DNHD1: variants seen among roughly 807,000 people sequenced by gnomAD.
DNHD1 encodes dynein heavy chain domain-containing protein 1.
In DNHD1, 383 loss-of-function variants were observed where a neutral mutation model predicts 458.1. The observed-to-expected ratio is 0.84, with a 90% CI of 0.77 to 0.91. The LOEUF (loss-of-function observed/expected upper bound fraction) is 0.91. DNHD1 is among the 40% of genes least tolerant of loss of function. The probability of loss-of-function intolerance (pLI) is 0.00; values close to 1 mark genes in which losing one functional copy is unlikely to be tolerated. For missense variants in DNHD1, 5,336 were observed against 5,866.1 expected, an observed-to-expected ratio of 0.91 and a Z score of 2.95; for synonymous variants, 2,203 against 2,376.9, an observed-to-expected ratio of 0.93 and a Z score of 2.13.
rs1171731119 is a variant in DNHD1 at position 6,544,229 on chromosome 11, C to T, written c.3737C>T (p.Ala1246Val). The change falls in exon 19 of 43, where the codon GCC (alanine) becomes GTC (valine). Residue 1246 changes from alanine (A) to valine (V), a missense_variant. Around this residue, in one of 4 missense-constraint regions of DNHD1, gnomAD observed 3,932 missense variants for 4,365.6 expected, o/e 0.90. Coordinates refer to ENST00000254579, the MANE Select transcript of DNHD1 (RefSeq NM_144666.3). ...AACAAAATAGCTTTGGAGTGGGTGG[C>T]CATCATGCATGGCCTGGGTAAGTGC... ...DLNKIALEWV[A>V]IMHGLGALLE... 2 of 1,551,502 alleles carry T rather than the reference C, an allele frequency of 1.3e-6. No homozygotes were observed. The highest frequency in any genetic ancestry group is 2.0e-5 in the Admixed American group (1 of 50,994).
At chr11:6,517,388 A>T (rs901043265) in intron 7 of DNHD1, among the ~76,000 whole-genome samples, 4 of 152,228 alleles carry the variant, frequency 2.6e-5, no homozygotes, top group African/African-American at 4.8e-5. Context: ...AGGAAATGAA[A>T]TCAGTATCTC....
At chr11:6,528,439 A>C (rs992254576) in intron 10 of DNHD1, 83 bp from the exon 11 acceptor site, 2 of 1,244,488 alleles carry the variant, frequency 1.6e-6, no homozygotes, top group South Asian at 3.1e-5. Context: ...GTGTGTGTAC[A>C]CACACTGAGG....
In DNHD1 at chr11:6,565,707, T is replaced by G. The variant is rs2134457556; in HGVS notation, c.10769T>G (p.Met3590Arg). The G allele has an allele frequency of 6.5e-7, 1 of 1,547,136 alleles. No homozygotes were observed. The highest frequency in any genetic ancestry group is 2.4e-5 in the East Asian group (1 of 40,870). ...ALTEGRGKGL[M>R]RNQKRESKTD... ...CTTTCTGCCCCAGGGAAAGGCCTCA[T>G]GAGAAATCAAAAGAGAGAGAGTAAA... Residue 3590 changes from methionine to arginine, a missense_variant, in exon 33 of 43, where the codon ATG (methionine) becomes AGG (arginine). Physicochemically the swap from Met to Arg is moderately conservative, Grantham distance 91 (BLOSUM62 -1). This residue lies in a region of DNHD1 where 695 missense variants were observed against 804.2 expected (regional missense o/e 0.86). Transcript: ENST00000254579.
intron 7 of DNHD1, among the ~76,000 whole-genome samples, chr11:6,512,396 G>A (rs989108911): frequency 2.3e-4 from 34 of 151,000 alleles, no homozygotes; most frequent in Admixed American, 1.3e-3. Flanking sequence ...AATTTTTTTT[G>A]TATTTTTAGT....
intron 12 of DNHD1, among the ~76,000 whole-genome samples, chr11:6,530,834 C>G (rs112616481): frequency 2.6e-4 from 31 of 119,998 alleles, no homozygotes; most frequent in Middle Eastern, 4.9e-3. Flanking sequence ...CTTTACTTCA[C>G]TGCTGCTGAG....
chr11:6,527,753 A>G (rs1345717095), intron 10 of DNHD1, among the ~76,000 whole-genome samples: 1 of 152,230 alleles, frequency 6.6e-6, no homozygotes, highest in Non-Finnish European at 1.5e-5. Context: ...GGAGTACTAC[A>G]GGGTTTGGGT....
chr11:6,557,982 G>T lies in DNHD1; in HGVS notation c.8687G>T (p.Gly2896Val). ...GLLLSGALGT[G>V]RHTAITLASS... ...CTGCTCTCGGGGGCTCTGGGTACTG[G>T]GCGCCACACTGCCATCACTCTGGCT... The change falls in exon 25 of 43, where the codon GGG (glycine) becomes GTG (valine). Residue 2896 changes from glycine (G) to valine (V), a missense_variant. Transcript: ENST00000254579. 6.4e-7 allele frequency: 1 copy of T among 1,551,680 alleles called. No individual in the cohort carries two copies. The highest frequency in any genetic ancestry group is 8.7e-7 in the Non-Finnish European group (1 of 1,146,982).
At position 6,568,766 on chromosome 11, in the gene DNHD1, A is replaced by G. The variant is rs1465385671; in HGVS notation, c.12763A>G (p.Met4255Val). 6.2e-7 allele frequency: 1 copy of G among 1,613,520 alleles called. No individual in the cohort carries two copies. Among genetic ancestry groups the G allele is most frequent in the Non-Finnish European group, 8.5e-7 (1 of 1,179,706 alleles). Reference protein sequence around the residue: ...SVELAQQVLYMQPPTQALPLL... With the variant: ...SVELAQQVLYVQPPTQALPLL... ...GGAGCTAGCCCAGCAAGTACTCTAC[A>G]TGCAACCCCCCACCCAGGCACTACC... Residue 4255 changes from methionine to valine, a missense_variant, in exon 39 of 43, where the codon ATG becomes GTG. Physicochemically the swap from Met to Val is conservative, Grantham distance 21. Around this residue, in one of 4 missense-constraint regions of DNHD1, gnomAD observed 698 missense variants for 664.9 expected, o/e 1.05. Coordinates refer to ENST00000254579, the MANE Select transcript of DNHD1 (RefSeq NM_144666.3).
At chr11:6,516,939 A>G (rs1354754745) in intron 7 of DNHD1, among the ~76,000 whole-genome samples, 1 of 152,044 alleles carries the variant, frequency 6.6e-6, no homozygotes, top group Non-Finnish European at 1.5e-5. Context: ...TTCTTGTTTT[A>G]TAACCTACTC....
At chr11:6,552,177 G>T (rs1853368804) in intron 24 of DNHD1, among the ~76,000 whole-genome samples, 2 of 143,380 alleles carry the variant, frequency 1.4e-5, no homozygotes, top group Admixed American at 1.4e-4. Context: ...TGCTGTATTA[G>T]TCTGTTTTCA....
rs761672170 is a variant in DNHD1 at position 6,534,278 on chromosome 11, C to A, written c.2998+105C>A. ...TGTGTCCTGTATGACCCCAAGCAAGCCTTGGGAATCACACACCTTCACTGG... is the reference window on the plus strand; with the variant it reads ...TGTGTCCTGTATGACCCCAAGCAAGACTTGGGAATCACACACCTTCACTGG... On this transcript the variant is annotated intron_variant, in intron 14 of 42. Transcript: ENST00000254579. The A allele has an allele frequency of 7.9e-5, 94 of 1,187,040 alleles. No homozygotes were observed. In the South Asian group the frequency reaches 1.4e-3, roughly 18 times the overall value. 73.5% of individuals were successfully genotyped at this position (1,187,040 alleles called of 1,614,324 possible).
intron 28 of DNHD1, among the ~76,000 whole-genome samples, chr11:6,561,835 T>C (rs1280205897): frequency 1.3e-5 from 2 of 152,126 alleles, no homozygotes; most frequent in African/African-American, 4.8e-5. Flanking sequence ...AAAGAGTGTG[T>C]GCCACATTGG....
chr11:6,509,200 T>C lies in DNHD1; in HGVS notation c.1163T>C (p.Leu388Pro). The C allele has an allele frequency of 6.2e-7, 1 of 1,614,210 alleles. No individual in the cohort carries two copies. Among genetic ancestry groups the C allele is most frequent in the Non-Finnish European group, 8.5e-7 (1 of 1,180,030 alleles). ...KNVRLQGLHRLQKFLENHLLL... is the reference protein window; with the variant it reads ...KNVRLQGLHRPQKFLENHLLL... ...GTGAGATTACAGGGGCTGCATCGACTCCAGAAATTCCTAGAGAATCATCTG... is the reference window on the plus strand; with the variant it reads ...GTGAGATTACAGGGGCTGCATCGACCCCAGAAATTCCTAGAGAATCATCTG... The change falls in exon 6 of 43, where the codon CTC becomes CCC. Residue 388 changes from leucine to proline, a missense_variant. By Grantham distance (98) the Leu-to-Pro change is moderately conservative. Transcript: ENST00000254579.
In DNHD1 at chr11:6,568,516, G is replaced by A. The variant is rs1324209737; in HGVS notation, c.12601G>A (p.Val4201Ile). 6 of 1,613,878 alleles carry A rather than the reference G, an allele frequency of 3.7e-6. No homozygotes were observed. The highest frequency in any genetic ancestry group is 1.1e-5 in the South Asian group (1 of 91,094). ...DQPESRNVST[V>I]HRDFRLWLIV... is the part of the protein sequence containing the mutation. Reference sequence around the variant, plus strand: ...ACCTGAAAGCAGGAATGTAAGCACTGTTCACAGAGATTTTCGTCTTTGGCT... The same window carrying A: ...ACCTGAAAGCAGGAATGTAAGCACTATTCACAGAGATTTTCGTCTTTGGCT... The change falls in exon 38 of 43, where the codon GTT becomes ATT. Residue 4201 changes from valine (V) to isoleucine (I), a missense_variant. Physicochemically the swap from Val to Ile is conservative, Grantham distance 29. Transcript: ENST00000254579.
At chr11:6,514,748 TGA>T (rs1852422969) in intron 7 of DNHD1, among the ~76,000 whole-genome samples, 2 of 152,210 alleles carry the variant, frequency 1.3e-5, no homozygotes, top group Admixed American at 1.3e-4. Context: ...CTAAATAATT[TGA>T]GAGTCAATTG....
In DNHD1 at chr11:6,512,214, T is replaced by TC. The variant is rs1852349418; in HGVS notation, c.1392+785_1392+786insC. On this transcript the variant is annotated intron_variant, in intron 7 of 42. Coordinates refer to ENST00000254579, the MANE Select transcript of DNHD1 (RefSeq NM_144666.3). ...GGAATTTCTTTTCTTTTTCTTTCTT[T>TC]TTTTTTTTTTTTTTTTTTTTTTTTG... Among the ~76,000 whole-genome samples, 7 of 58,298 alleles carry TC rather than the reference T, an allele frequency of 1.2e-4. No homozygotes were observed. The South Asian group carries it at 1.9e-3, about 16-fold the overall frequency. The allele number at this position is 58,298 out of a possible 152,430, so 38.2% of individuals were successfully genotyped here.
Position 6,533,160 on chromosome 11 carries a change from T to C in DNHD1, c.2481T>C (p.His827=). 6.4e-7 allele frequency: 1 copy of C among 1,551,658 alleles called. No homozygotes were observed. The change falls in exon 13 of 43, where the codon CAT becomes CAC. Residue 827 remains histidine, a synonymous_variant. Coordinates refer to ENST00000254579, the MANE Select transcript of DNHD1 (RefSeq NM_144666.3). ...TCCGAACCATCAACTCAGATATTCA[T>C]GCCATTGCACAGTGCACCCAGAAGG... ...HIFRTINSDI[H]AIAQCTQKLN...
rs186034230 is a variant in DNHD1 at position 6,505,467 on chromosome 11, G to C, written c.920+2541G>C. ...GGGGTTTTGCCACATTGGCCAAGCT[G>C]ATCTCGAACTCCTGGCTTCAAGTGA... On this transcript the variant is annotated intron_variant, in intron 4 of 42. Transcript: ENST00000254579. This position sits in a 1 kb window ranked among gnomAD's most constrained non-coding sequence, Gnocchi z 4.4. Among the ~76,000 whole-genome samples, 1 of 151,576 alleles carries C rather than the reference G, an allele frequency of 6.6e-6. No homozygotes were observed. The highest frequency in any genetic ancestry group is 2.0e-4 in the East Asian group (1 of 5,086).
chr11:6,567,302 AC>A lies in DNHD1; in HGVS notation c.11796del (p.Leu3933TrpfsTer29), dbSNP rs749515940. 2.5e-6 allele frequency: 4 copies of A among 1,613,888 alleles called. No individual in the cohort carries two copies. The highest frequency in any genetic ancestry group is 3.4e-6 in the Non-Finnish European group (4 of 1,179,902). ...TGACTGCACTGGGCCTTACCCAAGT[AC>A]CCTTGGTGGGTGCATTGGGCGCTTT... ...TVTALGLTQV[P>X]LVGALGALAL... is the part of the protein sequence containing the mutation. On this transcript the variant is annotated frameshift_variant, in exon 36 of 43. Coordinates refer to ENST00000254579, the MANE Select transcript of DNHD1 (RefSeq NM_144666.3). LOFTEE classifies it high-confidence loss of function.
Sources: gnomAD v4.1 joint callset for allele counts (sites outside exome capture counted in the v4.1 genomes callset) on GRCh38, gnomAD v4.1.1 for gene constraint, gnomAD v4.1.1 regional missense constraint, Gnocchi (gnomAD v3.1) non-coding constraint, MANE v1.5 for transcripts, NCBI Gene and HGNC (gene_info 2026-07-23, HGNC 2026-07-21) for gene names.